The following RAB28 variants were observed in gnomAD, a reference collection of about 807,000 sequenced individuals.
RAB28 encodes ras-related protein Rab-28.
In RAB28, 24 loss-of-function variants were observed where a neutral mutation model predicts 31.7. The ratio of observed to expected loss-of-function variants is 0.76; its 90% CI spans 0.55 to 1.06. The LOEUF is 1.06. Ranked by LOEUF, RAB28 falls within the 50% of genes least tolerant of loss-of-function variation. The pLI, the probability that RAB28 is intolerant of heterozygous loss-of-function variation, is 0.00. For missense variants in RAB28, 254 were observed against 258.5 expected (o/e 0.98, Z 0.12); for synonymous variants, 100 against 90.4 (o/e 1.11, Z -0.60).
chr4:13,418,708 A>C (rs1171142347), intron 4 of RAB28, among the ~76,000 whole-genome samples: 1 of 152,216 alleles, frequency 6.6e-6, no homozygotes, highest in Non-Finnish European at 1.5e-5. Context: ...ATGCTGAGAG[A>C]TTTTGTCATC....
intron 4 of RAB28, among the ~76,000 whole-genome samples, chr4:13,408,119 G>T (rs928644309): frequency 6.6e-6 from 1 of 152,150 alleles, no homozygotes; most frequent in African/African-American, 2.4e-5. Context: ...TCCAGCTTTT[G>T]CCCATTCAGT....
At chr4:13,432,785 G>C (rs994201060) in intron 4 of RAB28, among the ~76,000 whole-genome samples, 12 of 151,952 alleles carry the variant, frequency 7.9e-5, no homozygotes, top group Admixed American at 7.9e-4. Flanking sequence ...ATGCTCAAAG[G>C]AGTTCTAAAC....
At chr4:13,439,222 A>G (rs1296006871) in intron 4 of RAB28, among the ~76,000 whole-genome samples, 8 of 152,112 alleles carry the variant, frequency 5.3e-5, no homozygotes, top group Non-Finnish European at 1.0e-4. Context: ...ACTTGATTTT[A>G]TCTTCTTGCT....
intron 1 of RAB28, among the ~76,000 whole-genome samples, chr4:13,480,838 T>C (rs760298814): frequency 1.3e-4 from 20 of 151,950 alleles, no homozygotes; most frequent in Non-Finnish European, 2.8e-4. Context: ...GAGATCAGAA[T>C]TGAAAAGATA....
intron 4 of RAB28, among the ~76,000 whole-genome samples, chr4:13,458,617 T>C (rs957386640): frequency 6.6e-6 from 1 of 152,236 alleles, no homozygotes; most frequent in Non-Finnish European, 1.5e-5. Context: ...CATACATTCA[T>C]GTGTTGCATA....
At chr4:13,457,428 A>C (rs1251417530) in intron 4 of RAB28, among the ~76,000 whole-genome samples, 1 of 152,162 alleles carries the variant, frequency 6.6e-6, no homozygotes, top group Non-Finnish European at 1.5e-5. Flanking sequence ...ATCACATGAA[A>C]TTGGGCCAGT....
chr4:13,443,879 C>A (rs868688795), intron 4 of RAB28, among the ~76,000 whole-genome samples: 10 of 152,098 alleles, frequency 6.6e-5, no homozygotes, highest in African/African-American at 2.2e-4. Flanking sequence ...CTATTCTATT[C>A]TTTGTTTCTA....
chr4:13,418,418 C>CTTG (rs1441197041), intron 4 of RAB28, among the ~76,000 whole-genome samples: 1 of 152,116 alleles, frequency 6.6e-6, no homozygotes, highest in Non-Finnish European at 1.5e-5. Flanking sequence ...CAAAGACACT[C>CTTG]CTCAAGAAGA....
At chr4:13,410,458 C>G (rs1167045453) in intron 4 of RAB28, among the ~76,000 whole-genome samples, 1 of 151,950 alleles carries the variant, frequency 6.6e-6, no homozygotes, top group South Asian at 2.1e-4. Context: ...ATATTGCAAA[C>G]CCCACAAGTC....
chr4:13,370,161 A>G, intron 6 of RAB28: 2 of 980,722 alleles, frequency 2.0e-6, no homozygotes, highest in Non-Finnish European at 2.4e-6. Flanking sequence ...AAAAGGAAAG[A>G]AAAGGAAAGG....
intron 2 of RAB28, 116 bp from the exon 3 acceptor site, chr4:13,474,522 T>C (rs1281900451): frequency 5.1e-6 from 3 of 585,190 alleles, no homozygotes; most frequent in African/African-American, 3.9e-5. Flanking sequence ...TGAGCCCAAT[T>C]TGCCTTTATG....
At chr4:13,430,185 C>T (rs1713737052) in intron 4 of RAB28, among the ~76,000 whole-genome samples, 1 of 151,796 alleles carries the variant, frequency 6.6e-6, no homozygotes, top group Admixed American at 6.6e-5. Flanking sequence ...TTTTTTTTTA[C>T]TCAAAATGGA....
intron 6 of RAB28, among the ~76,000 whole-genome samples, chr4:13,372,318 T>C (rs78693803): frequency 1.8e-3 from 275 of 152,188 alleles, no homozygotes; most frequent in African/African-American, 6.0e-3. Context: ...TTAAAAAGCA[T>C]AGTACTTTGC....
chr4:13,385,218 C>T (rs1729314112), intron 4 of RAB28, among the ~76,000 whole-genome samples: 1 of 152,064 alleles, frequency 6.6e-6, no homozygotes, highest in East Asian at 1.9e-4. Context: ...AGAACAAATC[C>T]ACAACTCATT....
intron 4 of RAB28, among the ~76,000 whole-genome samples, chr4:13,419,602 C>T (rs763976055): frequency 2.4e-4 from 37 of 152,316 alleles, no homozygotes; most frequent in Non-Finnish European, 4.0e-4. Context: ...GAAACTCACT[C>T]AAAACCACAT....
chr4:13,388,987 A>G (rs1729507165), intron 4 of RAB28, among the ~76,000 whole-genome samples: 1 of 152,100 alleles, frequency 6.6e-6, no homozygotes, highest in African/African-American at 2.4e-5. Flanking sequence ...TCTTGAAGAG[A>G]TATTTGCTAT....
chr4:13,384,219 C>T (rs555330222), intron 4 of RAB28, among the ~76,000 whole-genome samples: 24 of 152,310 alleles, frequency 1.6e-4, no homozygotes, highest in African/African-American at 5.1e-4. Context: ...GACCTGCACC[C>T]GCCAGCACCC....
intron 4 of RAB28, among the ~76,000 whole-genome samples, chr4:13,444,799 T>A (rs1714613350): frequency 6.6e-6 from 1 of 152,182 alleles, no homozygotes; most frequent in South Asian, 2.1e-4. Flanking sequence ...CTTAAGGTCA[T>A]CCAATCCCAG....
chr4:13,418,428 A>G (rs562612036), intron 4 of RAB28, among the ~76,000 whole-genome samples: 1 of 152,186 alleles, frequency 6.6e-6, no homozygotes, highest in Non-Finnish European at 1.5e-5. Flanking sequence ...CCTCAAGAAG[A>G]GCAACCCCAA....
Sources: gnomAD v4.1 joint callset for allele counts (sites outside exome capture counted in the v4.1 genomes callset) on GRCh38, gnomAD v4.1.1 for gene constraint, MANE v1.5 for transcripts, NCBI Gene and HGNC (gene_info 2026-07-23, HGNC 2026-07-21) for gene names.